Variants in LDLRAD3 observed in about 807,000 individuals in gnomAD.
LDLRAD3 encodes low-density lipoprotein receptor class A domain-containing protein 3.
A neutral mutation model predicts 29.4 loss-of-function variants in LDLRAD3; 20 were observed. That is an observed-to-expected ratio of 0.68 (90% CI 0.48 to 0.99). LDLRAD3 has a LOEUF of 0.99. LDLRAD3 is among the 50% of genes least tolerant of loss of function. The probability of loss-of-function intolerance (pLI) is 0.00; values close to 1 mark genes in which losing one functional copy is unlikely to be tolerated. For synonymous variants in LDLRAD3, 157 were observed against 192.7 expected (o/e 0.81, Z 1.53); for missense variants, 420 against 454.3 (o/e 0.92, Z 0.69).
intron 1 of LDLRAD3, among the ~76,000 whole-genome samples, chr11:35,998,945 A>T (rs1162837190): frequency 6.6e-6 from 1 of 152,192 alleles, no homozygotes; most frequent in Non-Finnish European, 1.5e-5. Flanking sequence ...GCATTTGTTC[A>T]TGTAAGCCCA....
intron 4 of LDLRAD3, among the ~76,000 whole-genome samples, chr11:36,165,156 T>C (rs1040928320): frequency 6.6e-6 from 1 of 151,830 alleles, no homozygotes; most frequent in Middle Eastern, 3.2e-3. Context: ...TTTTACATCC[T>C]ACTTTTTTTC....
intron 4 of LDLRAD3, among the ~76,000 whole-genome samples, chr11:36,166,368 A>G (rs1328312516): frequency 6.6e-6 from 1 of 152,182 alleles, no homozygotes; most frequent in Non-Finnish European, 1.5e-5. Flanking sequence ...TCAGTGAGAC[A>G]TGGAAGGGGG....
chr11:35,949,526 T>C (rs1045306909), intron 1 of LDLRAD3, among the ~76,000 whole-genome samples: 1 of 152,230 alleles, frequency 6.6e-6, no homozygotes, highest in African/African-American at 2.4e-5. Flanking sequence ...CAAAAGGCCT[T>C]ACAACTTGAT....
At chr11:36,199,436 T>C (rs1165423704) in intron 4 of LDLRAD3, among the ~76,000 whole-genome samples, 1 of 152,220 alleles carries the variant, frequency 6.6e-6, no homozygotes, top group Non-Finnish European at 1.5e-5. Context: ...TAATTTGCTT[T>C]CCACCTCTTT....
intron 4 of LDLRAD3, among the ~76,000 whole-genome samples, chr11:36,110,974 T>G (rs970781636): frequency 2.0e-5 from 3 of 152,062 alleles, no homozygotes; most frequent in African/African-American, 7.2e-5. Flanking sequence ...AGAGAGGGAA[T>G]AGTATAGCCA....
rs149228687 is a variant in LDLRAD3 at position 36,051,507 on chromosome 11, C to A, written c.193+15258C>A. 3.1e-3 allele frequency among the ~76,000 whole-genome samples: 467 copies of A among 152,336 alleles called. 4 individuals carry two copies. Among genetic ancestry groups the A allele is most frequent in the African/African-American group, 0.011 (446 of 41,568 alleles). The stretch of plus-strand genomic sequence containing the variant: ...GGGCTGGTGAAGATTAAATGACTCT[C>A]TGGAAAGCTCTTAGAACAACACCTG... On this transcript the variant is annotated intron_variant, in intron 2 of 5. Coordinates refer to ENST00000315571, the MANE Select transcript of LDLRAD3 (RefSeq NM_174902.4).
intron 1 of LDLRAD3, among the ~76,000 whole-genome samples, chr11:36,003,088 C>T (rs1851844022): frequency 6.6e-6 from 1 of 152,122 alleles, no homozygotes. Flanking sequence ...TCAAGAATTC[C>T]AAGTTTAATT....
intron 1 of LDLRAD3, among the ~76,000 whole-genome samples, chr11:36,033,036 G>A (rs1395752644): frequency 6.6e-6 from 1 of 151,952 alleles, no homozygotes; most frequent in South Asian, 2.1e-4. Flanking sequence ...CACCACACCC[G>A]GCTAATTTTG....
At chr11:36,208,831 G>A (rs901234609) in intron 4 of LDLRAD3, among the ~76,000 whole-genome samples, 2 of 152,230 alleles carry the variant, frequency 1.3e-5, no homozygotes, top group African/African-American at 4.8e-5. Flanking sequence ...CAAAGTCCAT[G>A]ATGAATGCTA....
chr11:36,204,027 A>AC (rs1855167086), intron 4 of LDLRAD3, among the ~76,000 whole-genome samples: 1 of 151,266 alleles, frequency 6.6e-6, no homozygotes, highest in South Asian at 2.1e-4. Context: ...AAAAAAAAAA[A>AC]TCCATCACAG....
At chr11:36,078,345 A>G (rs1394607339) in intron 2 of LDLRAD3, among the ~76,000 whole-genome samples, 1 of 152,102 alleles carries the variant, frequency 6.6e-6, no homozygotes, top group Admixed American at 6.5e-5. Flanking sequence ...ACCAACGGGC[A>G]CCTGCAGGGC....
chr11:36,003,002 A>G (rs905346941), intron 1 of LDLRAD3, among the ~76,000 whole-genome samples: 6 of 152,244 alleles, frequency 3.9e-5, no homozygotes, highest in Non-Finnish European at 8.8e-5. Context: ...TGTTAGGGAA[A>G]ACCGTACACA....
chr11:36,218,348 G>A (rs996352479), intron 4 of LDLRAD3, among the ~76,000 whole-genome samples: 1 of 152,150 alleles, frequency 6.6e-6, no homozygotes, highest in African/African-American at 2.4e-5. Flanking sequence ...GTCTGTGAAC[G>A]ACAGGCCAAA....
At chr11:36,183,208 G>A (rs918958893) in intron 4 of LDLRAD3, among the ~76,000 whole-genome samples, 2 of 152,150 alleles carry the variant, frequency 1.3e-5, no homozygotes, top group Admixed American at 1.3e-4. Flanking sequence ...ACTTTTGGGA[G>A]ACACTTCACA....
intron 4 of LDLRAD3, among the ~76,000 whole-genome samples, chr11:36,134,980 C>T (rs1853983415): frequency 6.6e-6 from 1 of 152,156 alleles, no homozygotes; most frequent in Non-Finnish European, 1.5e-5. Context: ...CTTATGTCCC[C>T]AGTTCTCCAC....
intron 1 of LDLRAD3, among the ~76,000 whole-genome samples, chr11:35,995,196 C>A (rs1851738785): frequency 6.6e-6 from 1 of 152,174 alleles, no homozygotes; most frequent in South Asian, 2.1e-4. Context: ...AATGTATTTC[C>A]TAAATAAGAC....
At chr11:36,172,402 C>T (rs889649240) in intron 4 of LDLRAD3, among the ~76,000 whole-genome samples, 1 of 151,224 alleles carries the variant, frequency 6.6e-6, no homozygotes, top group African/African-American at 2.4e-5. Context: ...TGTCTTGTTC[C>T]AGTTCTCGGG....
chr11:35,990,527 C>T (rs1851674761), intron 1 of LDLRAD3, among the ~76,000 whole-genome samples: 1 of 152,070 alleles, frequency 6.6e-6, no homozygotes, highest in African/African-American at 2.4e-5. Context: ...AAGTGATTCT[C>T]CTGCCTCAGC....
chr11:36,227,954 C>T (rs1488570205), intron 5 of LDLRAD3, among the ~76,000 whole-genome samples: 1 of 152,186 alleles, frequency 6.6e-6, no homozygotes, highest in Middle Eastern at 3.2e-3. Context: ...CTTAACTTTG[C>T]TTGGCTTCAT....
Sources: gnomAD v4.1 joint callset for allele counts (sites outside exome capture counted in the v4.1 genomes callset) on GRCh38, gnomAD v4.1.1 for gene constraint, MANE v1.5 for transcripts, NCBI Gene and HGNC (gene_info 2026-07-23, HGNC 2026-07-21) for gene names.